Variants in ADGRL2 observed in about 807,000 individuals in gnomAD.
ADGRL2 encodes the protein adhesion G protein-coupled receptor L2, also known as calcium-independent alpha-latrotoxin receptor 2.
Under a neutral mutation model 157.4 loss-of-function variants are expected in ADGRL2, and 44 were observed. The observed-to-expected ratio is 0.28, with a 90% confidence interval of 0.22 to 0.36. The LOEUF (loss-of-function observed/expected upper bound fraction) is 0.36, where lower values mean the gene tolerates loss of function less well. Ranked by LOEUF, ADGRL2 falls within the 10% of genes least tolerant of loss-of-function variation. ADGRL2 has a pLI of 1.00. For missense variants in ADGRL2, 1,510 were observed against 1,768.9 expected (o/e 0.85, Z 2.63); for synonymous variants, 585 against 624.7 (o/e 0.94, Z 0.95).
At chr1:81,448,137 CTTTTTTTTTT>C (rs1168945231) in intron 2 of ADGRL2, among the ~76,000 whole-genome samples, 1 of 83,528 alleles carries the variant, frequency 1.2e-5, no homozygotes, top group African/African-American at 5.1e-5. Context: ...TTCTTTCTTT[CTTTTTTTTTT>C]TTTTTTTTTT....
Position 81,907,209 on chromosome 1 carries a change from C to G in ADGRL2, c.266C>G (p.Ala89Gly). The change falls in exon 3 of 24, where the codon GCC becomes GGC. Residue 89 changes from alanine to glycine, a missense_variant. Physicochemically the swap from Ala to Gly is moderately conservative, Grantham distance 60. Transcript: ENST00000686636. ...MENTDCYLPD[A>G]FKIMTQRCNN... ...AATACAGACTGCTACCTCCCCGATG[C>G]CTTCAAAATTATGACTCAAAGGTAA... 1 of 1,613,760 alleles carries G rather than the reference C, an allele frequency of 6.2e-7. No individual in the cohort carries two copies. Among genetic ancestry groups the G allele is most frequent in the Non-Finnish European group, 8.5e-7 (1 of 1,179,724 alleles).
intron 1 of ADGRL2, among the ~76,000 whole-genome samples, chr1:81,727,134 C>A (rs1160427513): frequency 2.0e-5 from 3 of 152,110 alleles, no homozygotes; most frequent in Non-Finnish European, 4.4e-5. Flanking sequence ...TTGATTCAAC[C>A]AAGTTTCCAA....
chr1:81,830,174 T>A (rs1201439947), intron 1 of ADGRL2, among the ~76,000 whole-genome samples: 1 of 152,204 alleles, frequency 6.6e-6, no homozygotes, highest in Non-Finnish European at 1.5e-5. Flanking sequence ...TAATCTGTTT[T>A]ATAATGCCTT....
chr1:81,437,573 T>G (rs1377801439), intron 1 of ADGRL2, among the ~76,000 whole-genome samples: 3 of 152,352 alleles, frequency 2.0e-5, no homozygotes, highest in East Asian at 3.9e-4. Context: ...TGTTTTCAAT[T>G]TAATGATAAT....
intron 2 of ADGRL2, among the ~76,000 whole-genome samples, chr1:81,471,765 A>G (rs1277929671): frequency 6.6e-6 from 1 of 152,226 alleles, no homozygotes; most frequent in Admixed American, 6.5e-5. Context: ...GGTCTTTATT[A>G]TTCAAAACTG....
rs140042754 is a variant in ADGRL2 at position 81,450,802 on chromosome 1, G to A, written c.-248+5713G>A. Among the ~76,000 whole-genome samples the A allele has an allele frequency of 4.9e-3, 749 of 152,134 alleles. 2 individuals carry two copies. Among genetic ancestry groups the A allele is most frequent in the Non-Finnish European group, 8.7e-3 (593 of 67,996 alleles). On this transcript the variant is annotated intron_variant, in intron 2 of 24. Transcript: ENST00000370721. ...TATGAAAAGCAAAAGCATTATATGT[G>A]CTTTTTCTGGAAAGTAAAGGGAAAG...
At chr1:81,422,638 A>G (rs913545086) in intron 1 of ADGRL2, among the ~76,000 whole-genome samples, 1 of 152,242 alleles carries the variant, frequency 6.6e-6, no homozygotes, top group Non-Finnish European at 1.5e-5. Context: ...TTGTTTAGGG[A>G]AGAAATAATT....
chr1:81,414,749 T>A (rs2077005562), intron 1 of ADGRL2, among the ~76,000 whole-genome samples: 1 of 152,230 alleles, frequency 6.6e-6, no homozygotes, highest in African/African-American at 2.4e-5. Flanking sequence ...AGACTCTGGC[T>A]GTATTTTGGT....
At chr1:81,356,952 CAAAAAAAAA>C (rs757239865) in intron 1 of ADGRL2, among the ~76,000 whole-genome samples, 1 of 55,668 alleles carries the variant, frequency 1.8e-5, no homozygotes, top group Admixed American at 2.5e-4. Flanking sequence ...GACTCCGTCT[CAAAAAAAAA>C]AAAAAAAAAA....
At chr1:81,851,025 A>G (rs948721942) in intron 2 of ADGRL2, among the ~76,000 whole-genome samples, 4 of 151,906 alleles carry the variant, frequency 2.6e-5, no homozygotes, top group Non-Finnish European at 5.9e-5. Context: ...CAGGGATTTC[A>G]CTAATGATCA....
intron 23 of ADGRL2, chr1:81,989,573 C>G: frequency 9.3e-7 from 1 of 1,078,510 alleles, no homozygotes; most frequent in Non-Finnish European, 1.4e-6. Context: ...ATTTGTTGAA[C>G]CCTTGCTCTG....
At chr1:81,522,955 T>A (rs1193879178) in intron 2 of ADGRL2, among the ~76,000 whole-genome samples, 1 of 152,202 alleles carries the variant, frequency 6.6e-6, no homozygotes, top group Non-Finnish European at 1.5e-5. Flanking sequence ...ATATCTTTTT[T>A]ATTTAGTTTC....
intron 1 of ADGRL2, among the ~76,000 whole-genome samples, chr1:81,703,426 T>C (rs1471738663): frequency 6.6e-6 from 1 of 152,030 alleles, no homozygotes; most frequent in Non-Finnish European, 1.5e-5. Flanking sequence ...TGTTTTCTGT[T>C]GTTGTTGTTG....
At chr1:81,795,541 A>C (rs2087544781), upstream of ADGRL2, among the ~76,000 whole-genome samples, 1 of 152,230 alleles carries the variant, frequency 6.6e-6, no homozygotes, top group African/African-American at 2.4e-5. Context: ...ATATGGAAAC[A>C]TTATAAGTGT....
intron 1 of ADGRL2, among the ~76,000 whole-genome samples, chr1:81,358,739 T>C (rs1441468013): frequency 6.6e-6 from 1 of 152,160 alleles, no homozygotes; most frequent in East Asian, 1.9e-4. Flanking sequence ...GTACCTACTG[T>C]TGTCCTCACC....
intron 1 of ADGRL2, among the ~76,000 whole-genome samples, chr1:81,364,866 G>A (rs529427334): frequency 3.9e-5 from 6 of 152,128 alleles, no homozygotes; most frequent in African/African-American, 1.2e-4. Context: ...GTTTTACCAT[G>A]TTGGCCAGGC....
intron 2 of ADGRL2, among the ~76,000 whole-genome samples, chr1:81,794,245 G>A (rs2087482301): frequency 6.6e-6 from 1 of 152,096 alleles, no homozygotes; most frequent in Non-Finnish European, 1.5e-5. Flanking sequence ...GGGTAGTAAG[G>A]ATATTGTACT....
At chr1:81,899,121 G>A (rs908005844) in intron 2 of ADGRL2, among the ~76,000 whole-genome samples, 11 of 152,168 alleles carry the variant, frequency 7.2e-5, no homozygotes, top group Non-Finnish European at 1.5e-4. Context: ...TTATAGTACA[G>A]CGTAGTAAGA....
At chr1:81,394,442 T>C (rs1166460016) in intron 1 of ADGRL2, among the ~76,000 whole-genome samples, 1 of 152,174 alleles carries the variant, frequency 6.6e-6, no homozygotes, top group Non-Finnish European at 1.5e-5. Context: ...GGCTTCTTCA[T>C]CTGGGTGAGA....
Sources: gnomAD v4.1 joint callset for allele counts (sites outside exome capture counted in the v4.1 genomes callset) on GRCh38, gnomAD v4.1.1 for gene constraint, MANE v1.5 for transcripts, NCBI Gene and HGNC (gene_info 2026-07-23, HGNC 2026-07-21) for gene names.